NKAIN3: variants seen among roughly 807,000 people sequenced by gnomAD.
NKAIN3 encodes the protein sodium/potassium-transporting ATPase subunit beta-1-interacting protein 3.
Under a neutral mutation model 30.2 loss-of-function variants are expected in NKAIN3, and 25 were observed. The observed-to-expected ratio is 0.83, with a 90% CI of 0.60 to 1.16. NKAIN3 has a LOEUF of 1.16. NKAIN3 is among the 50% of genes most tolerant of loss of function. The pLI is 0.00. For missense variants in NKAIN3, 225 were observed against 254.1 expected (o/e 0.89, Z 0.78); for synonymous variants, 91 against 89.6 (o/e 1.02, Z -0.09).
At chr8:62,803,582 A>G (rs1818154809) in intron 4 of NKAIN3, among the ~76,000 whole-genome samples, 2 of 152,190 alleles carry the variant, frequency 1.3e-5, no homozygotes, top group South Asian at 2.1e-4. Flanking sequence ...CAAAGACACA[A>G]CATACCAGAA....
At chr8:62,849,295 CT>C (rs71255367) in intron 4 of NKAIN3, among the ~76,000 whole-genome samples, 1,866 of 105,918 alleles carry the variant, frequency 0.018, 18 homozygotes, top group South Asian at 0.072. Flanking sequence ...TGGTCCTGGG[CT>C]TTTTTTTTTT....
At chr8:62,576,951 G>A (rs994913804) in intron 1 of NKAIN3, among the ~76,000 whole-genome samples, 3 of 152,066 alleles carry the variant, frequency 2.0e-5, no homozygotes, top group Non-Finnish European at 4.4e-5. Flanking sequence ...GACATTTAGA[G>A]AGAAAATATT....
chr8:62,313,341 A>G (rs550267874), intron 1 of NKAIN3, among the ~76,000 whole-genome samples: 30 of 152,280 alleles, frequency 2.0e-4, no homozygotes, highest in African/African-American at 6.7e-4. Flanking sequence ...TTAAACAATG[A>G]AAGTTGTGTC....
chr8:62,563,003 G>C (rs1809636967), intron 1 of NKAIN3, among the ~76,000 whole-genome samples: 1 of 152,028 alleles, frequency 6.6e-6, no homozygotes, highest in Non-Finnish European at 1.5e-5. Flanking sequence ...CATGGTAGCT[G>C]TGTTCCTGCC....
chr8:62,266,511 A>T (rs567247650), intron 1 of NKAIN3, among the ~76,000 whole-genome samples: 154 of 152,338 alleles, frequency 1.0e-3, no homozygotes, highest in African/African-American at 3.6e-3. Context: ...TTCGAGGGAA[A>T]CGTAGCATGA....
intron 1 of NKAIN3, among the ~76,000 whole-genome samples, chr8:62,277,029 A>G (rs1309510003): frequency 6.6e-6 from 1 of 152,162 alleles, no homozygotes; most frequent in African/African-American, 2.4e-5. Flanking sequence ...TTAATTGTTA[A>G]TAATAGTTAA....
At chr8:62,305,996 C>T (rs1814225121) in intron 1 of NKAIN3, among the ~76,000 whole-genome samples, 2 of 150,444 alleles carry the variant, frequency 1.3e-5, no homozygotes, top group African/African-American at 5.0e-5. Context: ...TCCTGACCTA[C>T]TGCTTTCAGT....
At chr8:62,814,914 AC>A (rs1450906692) in intron 4 of NKAIN3, among the ~76,000 whole-genome samples, 3 of 152,088 alleles carry the variant, frequency 2.0e-5, no homozygotes, top group African/African-American at 7.2e-5. Flanking sequence ...AGACACAAAA[AC>A]CCTTCAAAAA....
At chr8:62,528,227 A>C in intron 1 of NKAIN3, among the ~76,000 whole-genome samples, 1 of 147,494 alleles carries the variant, frequency 6.8e-6, no homozygotes, top group African/African-American at 2.5e-5. Context: ...ACTGGGGAGT[A>C]CAAGAAGAGG....
At chr8:62,814,928 T>G (rs1362096627) in intron 4 of NKAIN3, among the ~76,000 whole-genome samples, 1 of 151,922 alleles carries the variant, frequency 6.6e-6, no homozygotes, top group African/African-American at 2.4e-5. Context: ...TTCAAAAAAT[T>G]AATGAATCCA....
chr8:62,632,681 T>A (rs1162950814), intron 3 of NKAIN3, among the ~76,000 whole-genome samples: 2 of 152,056 alleles, frequency 1.3e-5, no homozygotes, highest in Non-Finnish European at 2.9e-5. Flanking sequence ...TTTTGTATTT[T>A]TAGTAGAGAC....
At chr8:62,988,932 A>G (rs1824260045), downstream of NKAIN3, among the ~76,000 whole-genome samples, 1 of 152,130 alleles carries the variant, frequency 6.6e-6, no homozygotes, top group South Asian at 2.1e-4. Context: ...TTCTTCCCCC[A>G]GATATGCTAA....
At chr8:62,486,487 A>G (rs1176405899) in intron 1 of NKAIN3, among the ~76,000 whole-genome samples, 1 of 152,196 alleles carries the variant, frequency 6.6e-6, no homozygotes, top group African/African-American at 2.4e-5. Flanking sequence ...GATATTTGAA[A>G]TATTTTCCTT....
At chr8:62,600,141 A>G (rs929008694) in intron 3 of NKAIN3, among the ~76,000 whole-genome samples, 4 of 152,034 alleles carry the variant, frequency 2.6e-5, no homozygotes, top group African/African-American at 4.8e-5. Context: ...TAGAAAATTT[A>G]GGTTAATATT....
chr8:62,998,564 C>T (rs182161328), intron 5 of NKAIN3, among the ~76,000 whole-genome samples: 77 of 152,260 alleles, frequency 5.1e-4, no homozygotes, highest in African/African-American at 1.8e-3. Context: ...TGTGAGTCAC[C>T]GCTCCTGGCT....
intron 3 of NKAIN3, among the ~76,000 whole-genome samples, chr8:62,613,928 A>G (rs891787278): frequency 1.3e-5 from 2 of 152,044 alleles, no homozygotes; most frequent in Non-Finnish European, 2.9e-5. Context: ...TTTATGCATT[A>G]TCTTGAATTT....
chr8:62,705,270 G>A (rs991238002), intron 3 of NKAIN3, among the ~76,000 whole-genome samples: 2 of 151,960 alleles, frequency 1.3e-5, no homozygotes, highest in Admixed American at 1.3e-4. Context: ...CTAAATTATC[G>A]CTAAGAATTT....
chr8:62,291,858 T>A (rs1303318809), intron 1 of NKAIN3, among the ~76,000 whole-genome samples: 4 of 152,198 alleles, frequency 2.6e-5, no homozygotes, highest in Non-Finnish European at 5.9e-5. Flanking sequence ...CCATTATTAT[T>A]GTGTGGGAGT....
intron 1 of NKAIN3, among the ~76,000 whole-genome samples, chr8:62,431,468 C>T (rs1436638250): frequency 6.6e-6 from 1 of 151,720 alleles, no homozygotes; most frequent in Non-Finnish European, 1.5e-5. Flanking sequence ...CCCATTTGTG[C>T]TAATTTGACT....
Sources: allele counts gnomAD v4.1 joint callset (sites outside exome capture counted in the v4.1 genomes callset), GRCh38; gene constraint gnomAD v4.1.1; transcripts MANE v1.5; gene names NCBI Gene and HGNC (gene_info 2026-07-23, HGNC 2026-07-21).